The following GRIA1 variants were observed in gnomAD, a reference collection of about 807,000 sequenced individuals.
The protein encoded by GRIA1 is glutamate receptor 1.
A neutral mutation model predicts 99.2 loss-of-function variants in GRIA1; 31 were observed. The observed-to-expected ratio is 0.31, with a 90% CI of 0.23 to 0.42. The LOEUF is 0.42. Ranked by LOEUF, GRIA1 falls within the 10% of genes least tolerant of loss-of-function variation. The probability of loss-of-function intolerance (pLI) is 1.00; values close to 1 mark genes in which losing one functional copy is unlikely to be tolerated. For synonymous variants in GRIA1, 438 were observed against 432.4 expected (o/e 1.01, Z -0.16); for missense variants, 782 against 1,157.5 (o/e 0.68, Z 4.71).
At chr5:153,623,872 A>G (rs943591721) in intron 2 of GRIA1, among the ~76,000 whole-genome samples, 6 of 152,190 alleles carry the variant, frequency 3.9e-5, no homozygotes, top group African/African-American at 1.4e-4. Context: ...GTTTGCTTCA[A>G]TATGTTTTAT....
rs757283959 is a variant in GRIA1, at chr5:153,705,809, A to G, written c.1565A>G (p.Gln522Arg). 2 of 1,613,778 alleles carry G rather than the reference A, an allele frequency of 1.2e-6. No homozygotes were observed. Among genetic ancestry groups the G allele is most frequent in the Admixed American group, 1.7e-5 (1 of 59,950 alleles). The change falls in exon 11 of 16, where the codon CAG (glutamine) becomes CGG (arginine). Residue 522 changes from glutamine to arginine, a missense_variant. Physicochemically the swap from Gln to Arg is conservative, Grantham distance 43. Around this residue, in one of 5 missense-constraint regions of GRIA1, gnomAD observed 87 missense variants for 184.5 expected, o/e 0.47. Transcript: ENST00000285900. ...ATCTCCATCATGATTAAAAAACCAC[A>G]GAAATCCAAGCCGGGTGTCTTCTCC... ...LGISIMIKKPQKSKPGVFSFL... is the reference protein window; with the variant it reads ...LGISIMIKKPRKSKPGVFSFL...
intron 13 of GRIA1, among the ~76,000 whole-genome samples, chr5:153,779,531 G>A (rs1169533248): frequency 6.6e-6 from 1 of 152,136 alleles, no homozygotes; most frequent in Non-Finnish European, 1.5e-5. Context: ...AGACAAATGG[G>A]CAGTAACTCT....
intron 11 of GRIA1, among the ~76,000 whole-genome samples, chr5:153,754,719 C>T (rs979685858): frequency 6.6e-5 from 10 of 152,176 alleles, no homozygotes; most frequent in Non-Finnish European, 1.2e-4. Flanking sequence ...ATTCTTCCCA[C>T]GGTCCAAAAT....
chr5:153,786,017 A>G (rs1335703414), intron 13 of GRIA1, among the ~76,000 whole-genome samples: 1 of 152,154 alleles, frequency 6.6e-6, no homozygotes, highest in East Asian at 1.9e-4. Context: ...CACTATCTCC[A>G]TGATCCCTGG....
chr5:153,647,805 A>G (rs1754267383), intron 3 of GRIA1, among the ~76,000 whole-genome samples: 2 of 152,024 alleles, frequency 1.3e-5, no homozygotes, highest in African/African-American at 4.8e-5. Context: ...AATGTTTTCT[A>G]TACTTTTTCT....
chr5:153,740,534 A>G (rs1203457164), intron 11 of GRIA1, among the ~76,000 whole-genome samples: 1 of 152,212 alleles, frequency 6.6e-6, no homozygotes, highest in Non-Finnish European at 1.5e-5. Context: ...GCCAACCACT[A>G]TCTTTTCTGA....
chr5:153,591,109 G>A (rs1050754106), intron 2 of GRIA1, among the ~76,000 whole-genome samples: 1 of 152,202 alleles, frequency 6.6e-6, no homozygotes, highest in African/African-American at 2.4e-5. Flanking sequence ...GAATGAATCT[G>A]AAGAGAGCGA....
intron 5 of GRIA1, among the ~76,000 whole-genome samples, chr5:153,671,666 G>A (rs1756186204): frequency 6.6e-6 from 1 of 152,176 alleles, no homozygotes; most frequent in African/African-American, 2.4e-5. Flanking sequence ...CTGCCTGCTG[G>A]TCATATTTCT....
intron 2 of GRIA1, among the ~76,000 whole-genome samples, chr5:153,528,021 G>A (rs929208497): frequency 6.6e-6 from 1 of 152,154 alleles, no homozygotes; most frequent in Admixed American, 6.5e-5. Flanking sequence ...TACTTTATGA[G>A]TACAGTTCAT....
At chr5:153,660,753 A>G (rs562685342) in intron 5 of GRIA1, among the ~76,000 whole-genome samples, 45 of 152,306 alleles carry the variant, frequency 3.0e-4, no homozygotes, top group African/African-American at 1.0e-3. Flanking sequence ...GGCTCTACAG[A>G]CACACCACAG....
intron 2 of GRIA1, among the ~76,000 whole-genome samples, chr5:153,611,576 G>A (rs1485066272): frequency 1.3e-5 from 2 of 152,200 alleles, no homozygotes; most frequent in African/African-American, 4.8e-5. Flanking sequence ...AGGCAGAGGT[G>A]GAAAACTGGT....
At chr5:153,650,293 CTGTCTG>C in intron 3 of GRIA1, 31 bp from the exon 4 acceptor site, 9 of 566,058 alleles carry the variant, frequency 1.6e-5, no homozygotes, top group Non-Finnish European at 2.5e-5. Context: ...CAAATCCTGA[CTGTCTG>C]TCATTTCTCT....
intron 2 of GRIA1, among the ~76,000 whole-genome samples, chr5:153,622,831 C>T (rs1408747166): frequency 6.6e-6 from 1 of 152,166 alleles, no homozygotes; most frequent in African/African-American, 2.4e-5. Context: ...GGAACTCACA[C>T]TTCAATGAAG....
At chr5:153,637,875 C>A (rs558325703) in intron 2 of GRIA1, among the ~76,000 whole-genome samples, 1 of 152,164 alleles carries the variant, frequency 6.6e-6, no homozygotes, top group African/African-American at 2.4e-5. Flanking sequence ...TTTCGTTATT[C>A]CCTACCTAGC....
At chr5:153,516,681 G>C (rs536307463) in intron 2 of GRIA1, among the ~76,000 whole-genome samples, 5 of 151,998 alleles carry the variant, frequency 3.3e-5, no homozygotes, top group Non-Finnish European at 7.4e-5. Flanking sequence ...GGAGACAAAA[G>C]GCTGCTGCGT....
rs199625006 is a variant in GRIA1, at chr5:153,625,061, C to T, written c.221-21867C>T. ...TTGGCTATACAATTCATTCATGTGC[C>T]GCAGCCCTGGTTGGCTGCTGAATAT... On this transcript the variant is annotated intron_variant, in intron 2 of 15. Transcript: ENST00000285900. Among the ~76,000 whole-genome samples, 18 of 152,256 alleles carry T rather than the reference C, an allele frequency of 1.2e-4. No individual in the cohort carries two copies. The East Asian group carries it at 2.5e-3, about 21-fold the overall frequency.
At chr5:153,591,450 G>T (rs886181014) in intron 2 of GRIA1, among the ~76,000 whole-genome samples, 30 of 152,204 alleles carry the variant, frequency 2.0e-4, no homozygotes, top group African/African-American at 7.2e-4. Flanking sequence ...AACTAGGTCA[G>T]ATCCTCATTC....
Position 153,686,228 on chromosome 5 carries a change from C to T in GRIA1, c.1033C>T (p.Arg345Ter), listed in dbSNP as rs1164782325. 1 of 1,612,430 alleles carries T rather than the reference C, an allele frequency of 6.2e-7. No individual in the cohort carries two copies. Among genetic ancestry groups the T allele is most frequent in the Non-Finnish European group, 8.5e-7 (1 of 1,178,588 alleles). Residue 345 changes from arginine to a stop codon, truncating the protein, a stop_gained, in exon 8 of 16, where the codon CGA becomes TGA. Coordinates refer to ENST00000285900, the MANE Select transcript of GRIA1 (RefSeq NM_000827.4). LOFTEE classifies it high-confidence loss of function. ...ACCACTTGGTTTTGTTTTCCAGGTGCGATTTGAAGGTTTAACAGGAAACGT... is the reference window on the plus strand; with the variant it reads ...ACCACTTGGTTTTGTTTTCCAGGTGTGATTTGAAGGTTTAACAGGAAACGT... ...IDIQRALQQV[R>*]FEGLTGNVQF...
At chr5:153,683,308 T>A (rs1458581922) in intron 7 of GRIA1, among the ~76,000 whole-genome samples, 1 of 152,200 alleles carries the variant, frequency 6.6e-6, no homozygotes, top group Non-Finnish European at 1.5e-5. Context: ...TCTTTCGCAT[T>A]CTCTGATACT....
Sources: allele counts gnomAD v4.1 joint callset (sites outside exome capture counted in the v4.1 genomes callset), GRCh38; gene constraint gnomAD v4.1.1; regional missense constraint gnomAD v4.1.1; transcripts MANE v1.5; gene names NCBI Gene and HGNC (gene_info 2026-07-23, HGNC 2026-07-21).